PDE7B: variants seen among roughly 807,000 people sequenced by gnomAD.
PDE7B encodes the protein 3',5'-cyclic-AMP phosphodiesterase 7B.
A neutral mutation model predicts 56.2 loss-of-function variants in PDE7B; 29 were observed. The observed-to-expected ratio is 0.52, with a 90% CI of 0.38 to 0.70. PDE7B has a LOEUF of 0.70. PDE7B is among the 30% of genes least tolerant of loss of function. The pLI is 0.00. For synonymous variants in PDE7B, 197 were observed against 196.9 expected, an observed-to-expected ratio of 1.00 and a Z score of 0.00; for missense variants, 490 against 565.0, an observed-to-expected ratio of 0.87 and a Z score of 1.35.
intron 2 of PDE7B, among the ~76,000 whole-genome samples, chr6:135,957,603 G>A (rs1774820266): frequency 6.6e-6 from 1 of 152,080 alleles, no homozygotes; most frequent in African/African-American, 2.4e-5. Context: ...ATGTGAAGTT[G>A]CTTCTCCACT....
chr6:135,987,515 C>T (rs533159854), intron 2 of PDE7B, among the ~76,000 whole-genome samples: 27 of 152,198 alleles, frequency 1.8e-4, no homozygotes, highest in African/African-American at 6.3e-4. Flanking sequence ...TGGAGGCCAC[C>T]AGAACTGAGC....
chr6:135,864,454 G>A (rs76664330), intron 1 of PDE7B, among the ~76,000 whole-genome samples: 8,180 of 152,014 alleles, frequency 0.054, 528 homozygotes, highest in African/African-American at 0.15. Flanking sequence ...TTTCTGATGT[G>A]TACTTTTGCT....
chr6:136,092,716 G>A (rs1436932621), intron 2 of PDE7B, among the ~76,000 whole-genome samples: 3 of 152,114 alleles, frequency 2.0e-5, no homozygotes, highest in East Asian at 1.9e-4. Flanking sequence ...AGCTGAGATC[G>A]TGCCACTGCA....
intron 11 of PDE7B, among the ~76,000 whole-genome samples, chr6:136,183,723 T>A (rs1038913898): frequency 1.3e-5 from 2 of 152,298 alleles, no homozygotes; most frequent in African/African-American, 4.8e-5. Context: ...TTTTGATTTA[T>A]CTTTCAGTTT....
intron 2 of PDE7B, among the ~76,000 whole-genome samples, chr6:135,974,084 G>A (rs1775142071): frequency 6.6e-6 from 1 of 152,194 alleles, no homozygotes; most frequent in South Asian, 2.1e-4. Flanking sequence ...TTCAAAAGAT[G>A]TTCTTTTCAG....
At chr6:135,942,588 T>C (rs1009311685) in intron 1 of PDE7B, among the ~76,000 whole-genome samples, 11 of 152,148 alleles carry the variant, frequency 7.2e-5, no homozygotes, top group African/African-American at 2.7e-4. Flanking sequence ...TTTCCTGAAC[T>C]TATCCCTCCT....
chr6:136,120,487 T>C (rs576359770), intron 3 of PDE7B, among the ~76,000 whole-genome samples: 57 of 152,156 alleles, frequency 3.7e-4, no homozygotes, highest in Non-Finnish European at 6.3e-4. Context: ...TAAAGTGTCC[T>C]GAGAAGATGG....
intron 2 of PDE7B, among the ~76,000 whole-genome samples, chr6:135,978,474 G>C (rs558576748): frequency 2.0e-5 from 3 of 152,066 alleles, no homozygotes; most frequent in African/African-American, 7.2e-5. Context: ...ACACTAACTT[G>C]ATAAGAAATT....
chr6:136,187,242 A>G, intron 12 of PDE7B, 126 bp downstream of exon 12: 1 of 620,240 alleles, frequency 1.6e-6, no homozygotes, highest in Non-Finnish European at 2.9e-6. Context: ...ATCCTTTTGA[A>G]TGGCTGAGTC....
At chr6:135,870,884 G>C (rs1053648201) in intron 1 of PDE7B, among the ~76,000 whole-genome samples, 3 of 152,088 alleles carry the variant, frequency 2.0e-5, no homozygotes, top group Non-Finnish European at 4.4e-5. Flanking sequence ...TGGGGAGGTT[G>C]GGAAAGGAGG....
chr6:136,031,755 A>G (rs76332299), intron 2 of PDE7B, among the ~76,000 whole-genome samples: 2 of 151,598 alleles, frequency 1.3e-5, no homozygotes, highest in Non-Finnish European at 2.9e-5. Flanking sequence ...AAAAAAAAAA[A>G]AAGAAGGCTT....
At chr6:136,184,524 T>G (rs6570069) in intron 11 of PDE7B, among the ~76,000 whole-genome samples, 12,912 of 152,220 alleles carry the variant, frequency 0.085, 1,837 homozygotes, top group African/African-American at 0.29. Flanking sequence ...GTGGGCAACG[T>G]AGAGAACATC....
chr6:136,000,837 A>T (rs1412425613), intron 2 of PDE7B, among the ~76,000 whole-genome samples: 1 of 152,218 alleles, frequency 6.6e-6, no homozygotes, highest in Non-Finnish European at 1.5e-5. Flanking sequence ...ACAGCTTTAA[A>T]GAGAGCAGTG....
rs547351364 is a variant in PDE7B, at chr6:135,901,342, A to G, written c.22-46122A>G. Among the ~76,000 whole-genome samples the G allele has an allele frequency of 2.6e-5, 4 of 152,314 alleles. No homozygotes were observed. The East Asian group carries it at 7.7e-4, about 29-fold the overall frequency. On this transcript the variant is annotated intron_variant, in intron 1 of 12. Transcript: ENST00000308191. Reference sequence around the variant, plus strand: ...ATCTATTCACTATTGACTATAGTGTATATGGGATCTTGGTGGGGGAAATTG... The same window carrying G: ...ATCTATTCACTATTGACTATAGTGTGTATGGGATCTTGGTGGGGGAAATTG...
chr6:136,140,722 T>A (rs9494453), intron 3 of PDE7B, among the ~76,000 whole-genome samples: 10 of 151,918 alleles, frequency 6.6e-5, no homozygotes, highest in Admixed American at 5.9e-4. Context: ...TTTTGTTCTC[T>A]TTGAAGCAAT....
At chr6:135,990,672 T>C (rs141044501) in intron 2 of PDE7B, among the ~76,000 whole-genome samples, 24 of 152,340 alleles carry the variant, frequency 1.6e-4, no homozygotes, top group Middle Eastern at 3.4e-3. Flanking sequence ...ATGGTATGTT[T>C]GAAAATTGCT....
chr6:136,140,412 C>CCA (rs1321605430), intron 3 of PDE7B, among the ~76,000 whole-genome samples: 1 of 152,118 alleles, frequency 6.6e-6, no homozygotes, highest in Non-Finnish European at 1.5e-5. Context: ...CATGATGCCT[C>CCA]CAGCTTTGTT....
intron 2 of PDE7B, among the ~76,000 whole-genome samples, chr6:135,999,164 A>G (rs1185277764): frequency 6.6e-6 from 1 of 152,228 alleles, no homozygotes; most frequent in Non-Finnish European, 1.5e-5. Flanking sequence ...TAGATATTGT[A>G]TATCCTAAGA....
At position 135,957,328 on chromosome 6, in the gene PDE7B, TA is replaced by T. The variant is rs373176975; in HGVS notation, c.82+9811del. Among the ~76,000 whole-genome samples, 570 of 152,194 alleles carry T rather than the reference TA, an allele frequency of 3.7e-3. 3 individuals carry two copies. The highest frequency in any genetic ancestry group is 0.012 in the African/African-American group (489 of 41,528). On this transcript the variant is annotated intron_variant, in intron 2 of 12. Transcript: ENST00000308191. ...TATAAAAAAACTGAATAGAGGTGTT[TA>T]AAAAAATGTGGAGCAGTTTTGAGGA...
Sources: gnomAD v4.1 joint callset for allele counts (sites outside exome capture counted in the v4.1 genomes callset) on GRCh38, gnomAD v4.1.1 for gene constraint, MANE v1.5 for transcripts, NCBI Gene and HGNC (gene_info 2026-07-23, HGNC 2026-07-21) for gene names.